The following ANAPC10 variants were observed in gnomAD, a reference collection of about 807,000 sequenced individuals.
ANAPC10 encodes anaphase promoting complex subunit 10, also known as anaphase-promoting complex subunit 10.
ANAPC10 carries 12 observed loss-of-function variants against 22.0 expected under a neutral mutation model. The observed-to-expected ratio is 0.55, with a 90% CI of 0.35 to 0.88. The LOEUF (loss-of-function observed/expected upper bound fraction) is 0.88. Ranked by LOEUF, ANAPC10 falls within the 40% of genes least tolerant of loss-of-function variation. The pLI, the probability that ANAPC10 is intolerant of heterozygous loss-of-function variation, is 0.01. For missense variants in ANAPC10, 188 were observed against 220.9 expected, an observed-to-expected ratio of 0.85 and a Z score of 0.94; for synonymous variants, 65 against 69.5, an observed-to-expected ratio of 0.94 and a Z score of 0.32.
chr4:145,034,028 G>A (rs746092592), intron 4 of ANAPC10, among the ~76,000 whole-genome samples: 1 of 152,174 alleles, frequency 6.6e-6, no homozygotes, highest in African/African-American at 2.4e-5. Flanking sequence ...CTGGTTGTAC[G>A]AAGGATAGTT....
At chr4:145,062,075 A>C (rs1742976033) in intron 4 of ANAPC10, among the ~76,000 whole-genome samples, 1 of 152,058 alleles carries the variant, frequency 6.6e-6, no homozygotes, top group East Asian at 1.9e-4. Context: ...AAAGAAAAAA[A>C]AAAAAGATTA....
At chr4:145,070,927 G>A (rs950128146) in intron 3 of ANAPC10, among the ~76,000 whole-genome samples, 1 of 152,136 alleles carries the variant, frequency 6.6e-6, no homozygotes, top group Non-Finnish European at 1.5e-5. Flanking sequence ...CTTATATCAG[G>A]TCCCCAGAAC....
At chr4:145,064,155 T>C (rs943001763) in intron 4 of ANAPC10, 10 of 152,296 alleles carry the variant, frequency 6.6e-5, no homozygotes, top group African/African-American at 2.2e-4. Context: ...AAAATGAAAA[T>C]TAAGCAAATG....
intron 3 of ANAPC10, among the ~76,000 whole-genome samples, chr4:145,069,244 A>G (rs1235080783): frequency 6.6e-6 from 1 of 152,144 alleles, no homozygotes; most frequent in Non-Finnish European, 1.5e-5. Flanking sequence ...CCTACAAACA[A>G]CTGAGTTTTC....
chr4:145,009,577 T>C (rs1375239373), intron 4 of ANAPC10, among the ~76,000 whole-genome samples: 3 of 152,166 alleles, frequency 2.0e-5, no homozygotes, highest in East Asian at 1.9e-4. Context: ...GGGGAAAGGA[T>C]TCCCTATTTA....
intron 4 of ANAPC10, chr4:145,033,272 AC>A (rs1462291686): frequency 1.3e-5 from 2 of 153,240 alleles, no homozygotes; most frequent in African/African-American, 4.8e-5. Flanking sequence ...TACCACCATC[AC>A]CCCTGGTGAT....
chr4:145,054,387 T>TA lies in ANAPC10; in HGVS notation c.327+10184dup, dbSNP rs1246582939. Among the ~76,000 whole-genome samples, 609 of 144,616 alleles carry TA rather than the reference T, an allele frequency of 4.2e-3. 2 individuals carry two copies. The highest frequency in any genetic ancestry group is 0.013 in the African/African-American group (533 of 39,736). 94.9% of individuals were successfully genotyped at this position (144,616 alleles called of 152,430 possible). ...CAACATGGTGAAACCCCGTCTCTAC[T>TA]AAAAAAAAAATATACAAAAAATTAG... On this transcript the variant is annotated intron_variant, in intron 4 of 4. Transcript: ENST00000507656.
intron 4 of ANAPC10, among the ~76,000 whole-genome samples, chr4:145,055,752 G>A (rs1335355655): frequency 1.3e-5 from 2 of 152,068 alleles, no homozygotes; most frequent in East Asian, 1.9e-4. Context: ...ACCAGGGCCT[G>A]GAGAAGGGGG....
At chr4:145,097,523 G>A (rs375911670) in intron 1 of ANAPC10, 3 of 1,287,136 alleles carry the variant, frequency 2.3e-6, no homozygotes, top group East Asian at 5.5e-5. Context: ...CATTGTATCC[G>A]AAGTTGTTCT....
intron 4 of ANAPC10, among the ~76,000 whole-genome samples, chr4:145,040,910 T>G (rs1041916944): frequency 6.6e-6 from 1 of 152,204 alleles, no homozygotes; most frequent in African/African-American, 2.4e-5. Flanking sequence ...ATAATACTTA[T>G]TGTTTTATAT....
chr4:145,013,178 C>T (rs1467466876), intron 4 of ANAPC10, among the ~76,000 whole-genome samples: 3 of 152,018 alleles, frequency 2.0e-5, no homozygotes. Flanking sequence ...TTACAGCAAT[C>T]TAAGAACAGA....
chr4:145,096,218 T>C (rs1362954022), intron 1 of ANAPC10, 107 bp from the exon 2 acceptor site: 2 of 1,134,006 alleles, frequency 1.8e-6, no homozygotes, highest in Non-Finnish European at 2.5e-6. Context: ...CTGACATTAA[T>C]CATTTATTCT....
intron 4 of ANAPC10, among the ~76,000 whole-genome samples, chr4:145,033,573 C>A (rs1737960352): frequency 6.6e-6 from 1 of 152,130 alleles, no homozygotes; most frequent in South Asian, 2.1e-4. Context: ...ACAGGAGATC[C>A]ATTAGGACAT....
chr4:145,049,933 T>G (rs1740857522), intron 4 of ANAPC10, among the ~76,000 whole-genome samples: 1 of 152,190 alleles, frequency 6.6e-6, no homozygotes, highest in Admixed American at 6.5e-5. Flanking sequence ...CAATGAAGCC[T>G]TCAGACCCTC....
rs1433426636 is a variant in ANAPC10 at position 145,012,709 on chromosome 4, T to C, written c.328-17106A>G. On this transcript the variant is annotated intron_variant, in intron 4 of 4. Coordinates refer to ENST00000507656, the MANE Select transcript of ANAPC10 (RefSeq NM_001256706.2). ...CTTCAGACCTGGATGGCTTTATCAGTTGGACTGGCTTCTTCTAAATATTTA... is the reference window on the plus strand; with the variant it reads ...CTTCAGACCTGGATGGCTTTATCAGCTGGACTGGCTTCTTCTAAATATTTA... Among the ~76,000 whole-genome samples the C allele has an allele frequency of 2.0e-5, 3 of 152,208 alleles. No homozygotes were observed. The East Asian group carries it at 5.8e-4, about 29-fold the overall frequency.
chr4:145,043,108 T>C (rs1394895111), intron 4 of ANAPC10, among the ~76,000 whole-genome samples: 1 of 151,866 alleles, frequency 6.6e-6, no homozygotes, highest in Non-Finnish European at 1.5e-5. Context: ...AACAGTATTA[T>C]TTGCTAAAAA....
intron 4 of ANAPC10, among the ~76,000 whole-genome samples, chr4:145,043,233 A>T (rs947375907): frequency 1.3e-5 from 2 of 152,150 alleles, no homozygotes; most frequent in South Asian, 2.1e-4. Flanking sequence ...AAAATCTATT[A>T]AAAAATAAGA....
At chr4:144,995,826 T>C (rs1196723720) in intron 4 of ANAPC10, among the ~76,000 whole-genome samples, 1 of 152,214 alleles carries the variant, frequency 6.6e-6, no homozygotes, top group Non-Finnish European at 1.5e-5. Flanking sequence ...TAAAAATAGA[T>C]GTGCTTCATG....
Position 145,026,957 on chromosome 4 carries a change from GTATATATATATA to G in ANAPC10, c.328-31366_328-31355del, listed in dbSNP as rs1578954678. Among the ~76,000 whole-genome samples the G allele has an allele frequency of 1.7e-3, 32 of 18,348 alleles. 2 individuals carry two copies. In the East Asian group the frequency reaches 0.035, roughly 20 times the overall value. The allele number at this position is 18,348 out of a possible 152,430, so 12.0% of individuals were successfully genotyped here. A position where few individuals can be genotyped will look rare whatever the true frequency, so the allele number is the denominator to read the frequency against. On this transcript the variant is annotated intron_variant, in intron 4 of 4. Transcript: ENST00000507656. ...TATATATATATATATGTGTGTGTGT[GTATATATATATA>G]TATATATATATATATATATTTTTTT...
Sources: allele counts gnomAD v4.1 joint callset (sites outside exome capture counted in the v4.1 genomes callset), GRCh38; gene constraint gnomAD v4.1.1; transcripts MANE v1.5; gene names NCBI Gene and HGNC (gene_info 2026-07-23, HGNC 2026-07-21).